ABCC6: variants seen among roughly 807,000 people sequenced by gnomAD.
ABCC6 encodes ATP-binding cassette sub-family C member 6.
A neutral mutation model predicts 169.5 loss-of-function variants in ABCC6; 126 were observed. The observed-to-expected ratio is 0.74, with a 90% CI of 0.64 to 0.86. The LOEUF is 0.86. Among genes scored for constraint, ABCC6 ranks in the 40% least tolerant of loss-of-function variants. The pLI is 0.00. For synonymous variants in ABCC6, 752 were observed against 814.7 expected, an observed-to-expected ratio of 0.92 and a Z score of 1.31; for missense variants, 1,733 against 1,927.2, an observed-to-expected ratio of 0.90 and a Z score of 1.89.
intron 25 of ABCC6, 39 bp downstream of exon 25, chr16:16,161,399 G>A (rs1400079947): frequency 6.2e-7 from 1 of 1,613,304 alleles, no homozygotes; most frequent in East Asian, 2.2e-5. Context: ...CTCTGCCTCT[G>A]TCTGTCCCTC....
intron 13 of ABCC6, among the ~76,000 whole-genome samples, chr16:16,188,447 G>T (rs754825650): frequency 1.3e-5 from 2 of 152,124 alleles, no homozygotes; most frequent in Non-Finnish European, 2.9e-5. Flanking sequence ...GCTCAGGTAT[G>T]CCGCCGTTTC....
chr16:16,189,016 C>A, intron 12 of ABCC6, 42 bp from the exon 13 acceptor site: 1 of 1,610,256 alleles, frequency 6.2e-7, no homozygotes, highest in Non-Finnish European at 8.5e-7. Context: ...GTGAGACACG[C>A]AAGCATGGAT....
rs778393141 is a variant in ABCC6, at chr16:16,208,824, G to A, written c.698C>T (p.Pro233Leu). 48 of 1,613,252 alleles carry A rather than the reference G, an allele frequency of 3.0e-5. No homozygotes were observed. The highest frequency in any genetic ancestry group is 3.9e-5 in the Non-Finnish European group (46 of 1,179,728). The change falls in exon 7 of 31, where the codon CCA becomes CTA. Residue 233 changes from proline to leucine, a missense_variant. By Grantham distance (98) the Pro-to-Leu change is moderately conservative. Coordinates refer to ENST00000205557, the MANE Select transcript of ABCC6 (RefSeq NM_001171.6). The stretch of plus-strand genomic sequence containing the variant: ...TCTCCCAAGCGACCAGAGGTCTTTT[G>A]GTCTCAGTGGCCTCCTGTATCCCCT... Reference protein sequence around the residue: ...VWRGYRRPLRPKDLWSLGREN... With the variant: ...VWRGYRRPLRLKDLWSLGREN...
At position 16,154,619 on chromosome 16, in the gene ABCC6, C is replaced by T. The variant is rs58760581; in HGVS notation, c.4208+9G>A. 27,830 of 1,611,610 alleles carry T rather than the reference C, an allele frequency of 0.017. 347 individuals are homozygous for T. The highest frequency in any genetic ancestry group is 0.042 in the South Asian group (3,786 of 90,932). On this transcript the variant is annotated intron_variant, in intron 29 of 30. Transcript: ENST00000205557. ...CCTGCAGGTCCCAGCCATGGTGGGA[C>T]GACCATACCTCAGGTCCTCGCCTCG...
chr16:16,196,445 A>G (rs983144850), intron 10 of ABCC6, among the ~76,000 whole-genome samples: 1 of 152,188 alleles, frequency 6.6e-6, no homozygotes, highest in Non-Finnish European at 1.5e-5. Context: ...AAAGTAACTA[A>G]TGATAATATT....
At chr16:16,211,051 TG>T (rs558571573) in intron 6 of ABCC6, among the ~76,000 whole-genome samples, 4 of 150,790 alleles carry the variant, frequency 2.7e-5, no homozygotes, top group Admixed American at 2.7e-4. Flanking sequence ...GCTGAGATTG[TG>T]CCATTGCACT....
chr16:16,201,790 T>A (rs1415264735), intron 9 of ABCC6, among the ~76,000 whole-genome samples: 1 of 152,150 alleles, frequency 6.6e-6, no homozygotes, highest in Non-Finnish European at 1.5e-5. Context: ...ATTGCACCAC[T>A]GCACTCCAGC....
intron 22 of ABCC6, among the ~76,000 whole-genome samples, chr16:16,166,893 G>A (rs1217540773): frequency 2.4e-5 from 3 of 125,350 alleles, no homozygotes; most frequent in East Asian, 2.6e-4. Flanking sequence ...GCAAGACTCC[G>A]TCTCAGAAAA....
At chr16:16,187,253 A>G (rs779973499) in intron 13 of ABCC6, 42 bp from the exon 14 acceptor site, 5 of 1,558,592 alleles carry the variant, frequency 3.2e-6, no homozygotes, top group Non-Finnish European at 3.5e-6. Context: ...AAGAAGAGCA[A>G]AGAACTCAGG....
Position 16,192,704 on chromosome 16 carries a change from C to T in ABCC6, c.1431+126G>A, listed in dbSNP as rs115561256. 563 of 866,392 alleles carry T rather than the reference C, an allele frequency of 6.5e-4. 4 individuals are homozygous for T. The African/African-American group carries it at 7.7e-3, about 12-fold the overall frequency. The allele number at this position is 866,392 out of a possible 1,614,324, so 53.7% of individuals were successfully genotyped here. ...GCAGGTCTGAGTGATGGGCAGCTCA[C>T]AGACGACAAGAACAAAGCCAGACCC... On this transcript the variant is annotated intron_variant, in intron 11 of 30. Coordinates refer to ENST00000205557, the MANE Select transcript of ABCC6 (RefSeq NM_001171.6).
intron 4 of ABCC6, among the ~76,000 whole-genome samples, chr16:16,215,438 GGTGTGTGTGTGTGT>G (rs56229208): frequency 7.3e-5 from 10 of 136,932 alleles, no homozygotes; most frequent in East Asian, 6.3e-4. Context: ...TTTAATTTTA[GGTGTGTGTGTGTGT>G]GTGTGTGTGT....
chr16:16,222,262 G>A (rs1440046422), intron 1 of ABCC6, among the ~76,000 whole-genome samples: 1 of 152,166 alleles, frequency 6.6e-6, no homozygotes, highest in Non-Finnish European at 1.5e-5. Context: ...TCGGGGAACT[G>A]CCTCCCCCAG....
intron 25 of ABCC6, 142 bp from the exon 26 acceptor site, chr16:16,159,725 C>G (rs765158790): frequency 3.0e-5 from 22 of 738,472 alleles, no homozygotes; most frequent in Non-Finnish European, 5.0e-5. Context: ...GTCTGAGGAC[C>G]TGGGCCCAGG....
In ABCC6 at chr16:16,161,507, C is replaced by G; in HGVS notation, c.3564G>C (p.Thr1188=). The G allele has an allele frequency of 6.2e-7, 1 of 1,613,992 alleles. No homozygotes were observed. Among genetic ancestry groups the G allele is most frequent in the Non-Finnish European group, 8.5e-7 (1 of 1,180,034 alleles). ...LGNGLVFAAA[T]CAVLSKAHLS... is the part of the protein sequence containing the mutation. The stretch of plus-strand genomic sequence containing the variant: ...GGTGGGCTTTGCTCAGCACAGCACA[C>G]GTGGCAGCTGCAAACACCAGGCCAT... The change falls in exon 25 of 31, where the codon ACG becomes ACC. Residue 1188 remains threonine (T), a synonymous_variant. Transcript: ENST00000205557.
intron 22 of ABCC6, among the ~76,000 whole-genome samples, chr16:16,166,239 G>A (rs959558171): frequency 2.6e-5 from 4 of 151,918 alleles, no homozygotes; most frequent in Non-Finnish European, 5.9e-5. Flanking sequence ...TGTAGAGATG[G>A]GATCTTGCTA....
At chr16:16,210,910 G>A (rs141713780) in intron 6 of ABCC6, among the ~76,000 whole-genome samples, 5,395 of 152,076 alleles carry the variant, frequency 0.035, 116 homozygotes, top group African/African-American at 0.046. Flanking sequence ...CTTGGCCAAC[G>A]TGGTGAAACC....
chr16:16,165,529 G>T, intron 23 of ABCC6, 94 bp downstream of exon 23: 2 of 1,384,992 alleles, frequency 1.4e-6, no homozygotes, highest in Non-Finnish European at 2.0e-6. Context: ...ATGTCCAGCT[G>T]GGTGAAACCT....
In ABCC6 at chr16:16,174,760, A is replaced by ACCCCCCCC. The variant is rs386789398; in HGVS notation, c.2666+1143_2666+1150dup. Among the ~76,000 whole-genome samples, 134 of 94,260 alleles carry ACCCCCCCC rather than the reference A, an allele frequency of 1.4e-3. 1 individual carries two copies. Among genetic ancestry groups the ACCCCCCCC allele is most frequent in the East Asian group, 4.3e-3 (4 of 940 alleles). The allele number at this position is 94,260 out of a possible 152,430, so 61.8% of individuals were successfully genotyped here. Reference sequence around the variant, plus strand: ...CGACAGAGCAAGATTCTGTCTCAAAACCCCCCCCCGCAAAAAACAAAAAAC... The same window carrying ACCCCCCCC: ...CGACAGAGCAAGATTCTGTCTCAAAACCCCCCCCCCCCCCCCCGCAAAAAACAAAAAAC... On this transcript the variant is annotated intron_variant, in intron 20 of 30. Transcript: ENST00000205557.
intron 24 of ABCC6, among the ~76,000 whole-genome samples, chr16:16,162,317 C>A (rs1231089475): frequency 6.6e-6 from 1 of 152,174 alleles, no homozygotes; most frequent in Non-Finnish European, 1.5e-5. Flanking sequence ...ACTCTGGTAC[C>A]AGACTGCTTG....
Sources: allele counts gnomAD v4.1 joint callset (sites outside exome capture counted in the v4.1 genomes callset), GRCh38; gene constraint gnomAD v4.1.1; transcripts MANE v1.5; gene names NCBI Gene and HGNC (gene_info 2026-07-23, HGNC 2026-07-21).